ABCF2: variants seen among roughly 807,000 people sequenced by gnomAD.
ABCF2 encodes the protein ATP binding cassette subfamily F member 2, also known as ATP-binding cassette sub-family F member 2.
A neutral mutation model predicts 76.9 loss-of-function variants in ABCF2; 37 were observed. The observed-to-expected ratio is 0.48, with a 90% CI of 0.37 to 0.63. ABCF2 has a LOEUF of 0.63. Ranked by LOEUF, ABCF2 falls within the 30% of genes least tolerant of loss-of-function variation. The pLI is 0.00. For missense variants in ABCF2, 524 were observed against 782.1 expected, an observed-to-expected ratio of 0.67 and a Z score of 3.94; for synonymous variants, 299 against 283.7, an observed-to-expected ratio of 1.05 and a Z score of -0.54.
intron 5 of ABCF2, 143 bp downstream of exon 5, chr7:151,223,532 CACA>C: frequency 4.2e-6 from 4 of 952,190 alleles, no homozygotes; most frequent in Non-Finnish European, 6.0e-6. Flanking sequence ...CTAGCCCATA[CACA>C]ACAACCCCCT....
rs1028086909 is a variant in ABCF2, at chr7:151,212,135, T to C, written c.*1919A>G. ...GCTCCTAAGGGGTTTAAGCACCATC[T>C]GGGACAGTTGCTCCCGCCAGTCCTG... On this transcript the variant is annotated 3_prime_UTR_variant, in exon 15 of 15. Coordinates refer to ENST00000287844, the MANE Select transcript of ABCF2 (RefSeq NM_007189.3). 7 of 985,384 alleles carry C rather than the reference T, an allele frequency of 7.1e-6. No homozygotes were observed. The highest frequency in any genetic ancestry group is 8.4e-6 in the Non-Finnish European group (7 of 829,854). The allele number at this position is 985,384 out of a possible 1,614,324, so 61.0% of individuals were successfully genotyped here.
At chr7:151,221,507 T>TC in intron 7 of ABCF2, 71 bp downstream of exon 7, 1 of 1,142,072 alleles carries the variant, frequency 8.8e-7, no homozygotes, top group Non-Finnish European at 1.3e-6. Context: ...AGCCTTTTTT[T>TC]TTTTTTTTAA....
At position 151,220,062 on chromosome 7, in the gene ABCF2, GGACTCCAGCCTGGGT is replaced by G. The variant is rs1401495407; in HGVS notation, c.922-918_922-904del. ...TGCAGTGAGCCAATATCACGCCACT[GGACTCCAGCCTGGGT>G]GACAGAGACAGACCCCATCTCGAGA... On this transcript the variant is annotated intron_variant, in intron 7 of 14. Transcript: ENST00000287844. Among the ~76,000 whole-genome samples, 37 of 151,988 alleles carry G rather than the reference GGACTCCAGCCTGGGT, an allele frequency of 2.4e-4. 1 individual carries two copies. In the South Asian group the frequency reaches 7.3e-3, roughly 30 times the overall value.
rs1563608018 is a variant in ABCF2, at chr7:151,214,965, C to T, written c.1648G>A (p.Glu550Lys). ...LDEPTNHLDI[E>K]TIDALADAIN... is the part of the protein sequence containing the mutation. ...GCATCTGCCAGGGCGTCGATGGTCT[C>T]GATATCCAGGTGATTGGTGGGTTCA... Residue 550 changes from glutamate to lysine, a missense_variant, in exon 14 of 15, where the codon GAG becomes AAG. Coordinates refer to ENST00000287844, the MANE Select transcript of ABCF2 (RefSeq NM_007189.3). This position sits in a 1 kb window ranked among gnomAD's most constrained non-coding sequence, Gnocchi z 4.9. 6.2e-7 allele frequency: 1 copy of T among 1,614,214 alleles called. No homozygotes were observed. The highest frequency in any genetic ancestry group is 8.5e-7 in the Non-Finnish European group (1 of 1,180,042).
chr7:151,221,757 C>A (rs1802273026), intron 6 of ABCF2, 77 bp from the exon 7 acceptor site: 2 of 1,090,010 alleles, frequency 1.8e-6, no homozygotes, highest in African/African-American at 1.6e-5. Flanking sequence ...GAAAGTCAGG[C>A]CCATCCTCAT....
rs1466508250 is a variant in ABCF2, at chr7:151,216,005, G to A, written c.1363C>T (p.Arg455Ter). 3.1e-6 allele frequency: 5 copies of A among 1,613,976 alleles called. No homozygotes were observed. The highest frequency in any genetic ancestry group is 1.1e-5 in the South Asian group (1 of 91,072). ...CCTATCTTGACATGAGAGTGTTTTC[G>A]GATCATGCCATCTGTGGGTAGTAGC... ...GELLPTDGMI[R>*]KHSHVKIGRY... Residue 455 changes from arginine to a stop codon, truncating the protein, a stop_gained, in exon 12 of 15, where the codon CGA (arginine) becomes TGA (stop). Transcript: ENST00000287844. LOFTEE classifies it high-confidence loss of function.
chr7:151,219,350 C>T (rs993822757), intron 7 of ABCF2, among the ~76,000 whole-genome samples, 191 bp from the exon 8 acceptor site: 1 of 152,186 alleles, frequency 6.6e-6, no homozygotes, highest in East Asian at 1.9e-4. Context: ...CAATTCTATG[C>T]CCCTCGCTCA....
In ABCF2 at chr7:151,214,037, G is replaced by T. The variant is rs767247986; in HGVS notation, c.*17C>A. The T allele has an allele frequency of 5.0e-6, 8 of 1,611,930 alleles. No individual in the cohort carries two copies. In the East Asian group the frequency reaches 1.8e-4, roughly 36 times the overall value. On this transcript the variant is annotated 3_prime_UTR_variant, in exon 15 of 15. Transcript: ENST00000287844. The surrounding 1 kb of genome is among the most constrained non-coding windows in gnomAD (Gnocchi z 4.9). ...AGTTCCCAGATGGAGCTCCTGACCC[G>T]AACCCAGGTAGAGGGCTCACACGTT...
rs1802117732 is a variant in ABCF2, at chr7:151,214,805, C to T, written c.1734+74G>A. On this transcript the variant is annotated intron_variant, in intron 14 of 14. Transcript: ENST00000287844. The surrounding 1 kb of genome is among the most constrained non-coding windows in gnomAD (Gnocchi z 4.9). ...ATTCAGTAGGCGGGTATTATGCACC[C>T]TCCACATGCCATGACTACCCTACCC... The T allele has an allele frequency of 6.9e-7, 1 of 1,443,670 alleles. No individual in the cohort carries two copies. Among genetic ancestry groups the T allele is most frequent in the Non-Finnish European group, 9.7e-7 (1 of 1,030,208 alleles). 89.4% of individuals were successfully genotyped at this position (1,443,670 alleles called of 1,614,324 possible). A position where few individuals can be genotyped will look rare whatever the true frequency, so the allele number is the denominator to read the frequency against.
intron 11 of ABCF2, among the ~76,000 whole-genome samples, chr7:151,217,843 A>G (rs1250451552): frequency 6.6e-6 from 1 of 151,194 alleles, no homozygotes; most frequent in Non-Finnish European, 1.5e-5. Flanking sequence ...ATGTATTCAC[A>G]CACACACTCT....
chr7:151,221,140 T>C (rs750479167), intron 7 of ABCF2, among the ~76,000 whole-genome samples: 24 of 152,012 alleles, frequency 1.6e-4, no homozygotes, highest in Non-Finnish European at 1.6e-4. Context: ...AAACAGGTGG[T>C]AGGACTCCTT....
At position 151,211,755 on chromosome 7, in the gene ABCF2, C is replaced by A; in HGVS notation, c.*2299G>T. ...GATGCCATTCTCCCCTGAACCAAGG[C>A]TCTGGACTCTCAGGACAGACTAACC... On this transcript the variant is annotated 3_prime_UTR_variant, in exon 15 of 15. Transcript: ENST00000287844. 1.0e-6 allele frequency: 1 copy of A among 985,414 alleles called. No homozygotes were observed. The highest frequency in any genetic ancestry group is 1.2e-6 in the Non-Finnish European group (1 of 829,932). The allele number at this position is 985,414 out of a possible 1,614,324, so 61.0% of individuals were successfully genotyped here. A position where few individuals can be genotyped will look rare whatever the true frequency, so the allele number is the denominator to read the frequency against.
rs562513007 is a variant in ABCF2, at chr7:151,222,889, T to G, written c.723-273A>C. On this transcript the variant is annotated intron_variant, in intron 5 of 14. Coordinates refer to ENST00000287844, the MANE Select transcript of ABCF2 (RefSeq NM_007189.3). Reference sequence around the variant, plus strand: ...AGTCTTTATGAGTTTATGAGCCTTGTGCACTGAAGTTGGAGACTACGGAGA... The same window carrying G: ...AGTCTTTATGAGTTTATGAGCCTTGGGCACTGAAGTTGGAGACTACGGAGA... Among the ~76,000 whole-genome samples the G allele has an allele frequency of 1.2e-4, 19 of 152,282 alleles. No individual in the cohort carries two copies. In the East Asian group the frequency reaches 3.7e-3, roughly 29 times the overall value.
chr7:151,225,526 C>T (rs555895709), intron 2 of ABCF2, among the ~76,000 whole-genome samples: 1 of 152,194 alleles, frequency 6.6e-6, no homozygotes, highest in African/African-American at 2.4e-5. Flanking sequence ...GACTGAGAGA[C>T]GCTTCATTAT....
At chr7:151,219,714 G>GA (rs752925853) in intron 7 of ABCF2, among the ~76,000 whole-genome samples, 1 of 152,254 alleles carries the variant, frequency 6.6e-6, no homozygotes, top group Non-Finnish European at 1.5e-5. Flanking sequence ...TGCAGTGACT[G>GA]AAAAGATTGT....
At chr7:151,217,517 T>C (rs1323875391) in intron 11 of ABCF2, among the ~76,000 whole-genome samples, 1 of 152,158 alleles carries the variant, frequency 6.6e-6, no homozygotes, top group Non-Finnish European at 1.5e-5. Flanking sequence ...AATAGAAACA[T>C]GGGCCAGACG....
rs1802097734 is a variant in ABCF2, at chr7:151,213,872, G to A, written c.*182C>T. The A allele has an allele frequency of 2.1e-6, 3 of 1,428,894 alleles. No homozygotes were observed. The highest frequency in any genetic ancestry group is 2.7e-6 in the Non-Finnish European group (3 of 1,098,212). 88.5% of individuals were successfully genotyped at this position (1,428,894 alleles called of 1,614,324 possible). A position where few individuals can be genotyped will look rare whatever the true frequency, so the allele number is the denominator to read the frequency against. On this transcript the variant is annotated 3_prime_UTR_variant, in exon 15 of 15. Transcript: ENST00000287844. ...TGGAAGGAGGACAGGAAACAGACAG[G>A]TACTGTCCAGCTGTAGGTAAGAGAG...
At chr7:151,224,727 C>T (rs1802338804) in intron 3 of ABCF2, 49 bp downstream of exon 3, 20 of 1,517,112 alleles carry the variant, frequency 1.3e-5, no homozygotes, top group Non-Finnish European at 1.6e-5. Flanking sequence ...TTGTGAGTGA[C>T]AGATGAGCTA....
Position 151,226,416 on chromosome 7 carries a change from C to T in ABCF2, c.43G>A (p.Glu15Lys), listed in dbSNP as rs1563620191. Reference sequence around the variant, plus strand: ...GGCCGCTGTCGAGCTTTGGCAGCCTCCTTCTTTTTGGCTGCCTTCTTCTTG... The same window carrying T: ...GGCCGCTGTCGAGCTTTGGCAGCCTTCTTCTTTTTGGCTGCCTTCTTCTTG... ...LAKKKAAKKK[E>K]AAKARQRPRK... Residue 15 changes from glutamate (E) to lysine (K), a missense_variant, in exon 2 of 15, where the codon GAG becomes AAG. Around this residue, in one of 2 missense-constraint regions of ABCF2, gnomAD observed 330 missense variants for 433.6 expected, o/e 0.76. Coordinates refer to ENST00000287844, the MANE Select transcript of ABCF2 (RefSeq NM_007189.3). The T allele has an allele frequency of 1.9e-6, 3 of 1,613,990 alleles. No individual in the cohort carries two copies. Among genetic ancestry groups the T allele is most frequent in the Non-Finnish European group, 2.5e-6 (3 of 1,180,004 alleles).
Sources: gnomAD v4.1 joint callset for allele counts (sites outside exome capture counted in the v4.1 genomes callset) on GRCh38, gnomAD v4.1.1 for gene constraint, gnomAD v4.1.1 regional missense constraint, Gnocchi (gnomAD v3.1) non-coding constraint, MANE v1.5 for transcripts, NCBI Gene and HGNC (gene_info 2026-07-23, HGNC 2026-07-21) for gene names.